Variants in ZNF451 observed in about 807,000 individuals in gnomAD.
ZNF451 encodes the protein zinc finger protein 451.
A neutral mutation model predicts 107.1 loss-of-function variants in ZNF451; 80 were observed. The observed-to-expected ratio is 0.75, with a 90% CI of 0.62 to 0.90. The LOEUF is 0.90. ZNF451 is among the 40% of genes least tolerant of loss of function. The probability of loss-of-function intolerance (pLI) is 0.00; values close to 1 mark genes in which losing one functional copy is unlikely to be tolerated. For synonymous variants in ZNF451, 362 were observed against 406.5 expected, an observed-to-expected ratio of 0.89 and a Z score of 1.32; for missense variants, 1,107 against 1,236.2, an observed-to-expected ratio of 0.90 and a Z score of 1.57.
intron 14 of ZNF451, among the ~76,000 whole-genome samples, chr6:57,166,707 A>G (rs1386732346): frequency 2.0e-5 from 3 of 152,224 alleles, no homozygotes; most frequent in Non-Finnish European, 2.9e-5. Flanking sequence ...TTCAAGTGTT[A>G]TGTACTGTAC....
intron 5 of ZNF451, 151 bp downstream of exon 5, chr6:57,128,991 A>G: frequency 1.8e-6 from 1 of 563,648 alleles, no homozygotes; most frequent in Non-Finnish European, 3.1e-6. Context: ...CCTACTTTAT[A>G]ATGGCCTGCT....
Position 57,150,709 on chromosome 6 carries a change from C to T in ZNF451, c.2609-10C>T. 1 of 1,584,472 alleles carries T rather than the reference C, an allele frequency of 6.3e-7. No homozygotes were observed. The highest frequency in any genetic ancestry group is 8.6e-7 in the Non-Finnish European group (1 of 1,168,076). On this transcript the variant is annotated splice_polypyrimidine_tract_variant and intron_variant, in intron 10 of 14. Transcript: ENST00000370706. ...TTACTGAACTCATGTTGATATTTCT[C>T]TCTTCTCAGAGGAAGAAATTGTTGA... is the stretch of plus-strand genomic sequence containing the variant.
At chr6:57,167,186 C>CAA (rs915528168) in intron 14 of ZNF451, among the ~76,000 whole-genome samples, 2 of 151,070 alleles carry the variant, frequency 1.3e-5, no homozygotes, top group African/African-American at 4.9e-5. Flanking sequence ...TATATATACA[C>CAA]ACACACACAC....
chr6:57,102,208 A>G (rs975550010), intron 3 of ZNF451: 53 of 1,417,596 alleles, frequency 3.7e-5, no homozygotes, highest in Non-Finnish European at 4.5e-5. Context: ...AACTGGATGC[A>G]TGTCTGGAAT....
At chr6:57,159,085 G>A in intron 13 of ZNF451, 5 of 985,380 alleles carry the variant, frequency 5.1e-6, no homozygotes, top group Non-Finnish European at 6.0e-6. Flanking sequence ...ACTATAGGTT[G>A]TTTCTTTGGG....
chr6:57,102,084 G>T, intron 3 of ZNF451: 6 of 1,508,174 alleles, frequency 4.0e-6, no homozygotes, highest in Non-Finnish European at 5.3e-6. Context: ...AACGCCATGG[G>T]TACAAGAATT....
At chr6:57,095,271 G>A (rs1292166780) in intron 2 of ZNF451, among the ~76,000 whole-genome samples, 1 of 146,638 alleles carries the variant, frequency 6.8e-6, no homozygotes, top group Non-Finnish European at 1.5e-5. Flanking sequence ...TTTGTTGAAT[G>A]TATAAATATT....
chr6:57,128,661 T>C (rs1831038977), intron 4 of ZNF451, 68 bp from the exon 5 acceptor site: 1 of 991,752 alleles, frequency 1.0e-6, no homozygotes, highest in East Asian at 2.4e-5. Flanking sequence ...ATCACTAATG[T>C]GTCAAAATCC....
At chr6:57,093,229 T>C (rs1204903278) in intron 2 of ZNF451, among the ~76,000 whole-genome samples, 2 of 152,196 alleles carry the variant, frequency 1.3e-5, no homozygotes, top group Non-Finnish European at 2.9e-5. Context: ...TGAGGGAACC[T>C]ATCGTAATTT....
rs139105250 is a variant in ZNF451, at chr6:57,142,112, A to T, written c.1004+17A>T. ...CCATTTCAGGTTTGTATTGGTCTGGAGCTGTAAAGGAATACGGATGAGTGT... is the reference window on the plus strand; with the variant it reads ...CCATTTCAGGTTTGTATTGGTCTGGTGCTGTAAAGGAATACGGATGAGTGT... On this transcript the variant is annotated intron_variant, in intron 9 of 14. Coordinates refer to ENST00000370706, the MANE Select transcript of ZNF451 (RefSeq NM_001031623.3). 3.8e-5 allele frequency: 60 copies of T among 1,593,784 alleles called. No homozygotes were observed. The African/African-American group carries it at 7.0e-4, about 18-fold the overall frequency.
chr6:57,164,948 ATC>A (rs1479428025), intron 14 of ZNF451: 4 of 152,186 alleles, frequency 2.6e-5, no homozygotes, highest in Non-Finnish European at 4.4e-5. Flanking sequence ...TTTAATTTCA[ATC>A]TGAGAGATTC....
At chr6:57,123,553 C>T (rs1830747155) in intron 3 of ZNF451, among the ~76,000 whole-genome samples, 1 of 151,946 alleles carries the variant, frequency 6.6e-6, no homozygotes, top group South Asian at 2.1e-4. Context: ...GAAAAACTTC[C>T]TATTGGATAC....
At chr6:57,100,715 C>T in intron 3 of ZNF451, 1 of 1,550,490 alleles carries the variant, frequency 6.4e-7, no homozygotes, top group Non-Finnish European at 8.7e-7. Flanking sequence ...GGGAGTTGTT[C>T]CAGCAGTCCA....
chr6:57,137,890 T>A (rs1487168590), intron 7 of ZNF451, among the ~76,000 whole-genome samples: 5 of 152,220 alleles, frequency 3.3e-5, no homozygotes, highest in African/African-American at 1.2e-4. Flanking sequence ...CTTCCCATAA[T>A]GTGTTTCAAG....
Position 57,148,127 on chromosome 6 carries a change from C to T in ZNF451, c.2042C>T (p.Ala681Val). 3.1e-6 allele frequency: 5 copies of T among 1,613,972 alleles called. No homozygotes were observed. Among genetic ancestry groups the T allele is most frequent in the Non-Finnish European group, 4.2e-6 (5 of 1,179,934 alleles). Residue 681 changes from alanine to valine, a missense_variant, in exon 10 of 15, where the codon GCA becomes GTA. Transcript: ENST00000370706. ...LCDLIFNVEEAFLSHYEEHHS... is the reference protein window; with the variant it reads ...LCDLIFNVEEVFLSHYEEHHS... Reference sequence around the variant, plus strand: ...GATCTTATCTTTAATGTGGAAGAAGCATTTCTGAGTCATTATGAGGAGCAC... The same window carrying T: ...GATCTTATCTTTAATGTGGAAGAAGTATTTCTGAGTCATTATGAGGAGCAC...
intron 13 of ZNF451, chr6:57,158,441 G>A: frequency 1.1e-6 from 1 of 889,534 alleles, no homozygotes; most frequent in Non-Finnish European, 1.3e-6. Context: ...GCTGAATATA[G>A]CCAAGGAAAG....
intron 4 of ZNF451, among the ~76,000 whole-genome samples, chr6:57,125,556 T>G (rs556496747): frequency 6.6e-6 from 1 of 152,238 alleles, no homozygotes; most frequent in South Asian, 2.1e-4. Flanking sequence ...AGATCACTAG[T>G]TTTATAGACT....
In ZNF451 at chr6:57,132,074, G is replaced by A. The variant is rs143329435; in HGVS notation, c.425-968G>A. 2.0e-5 allele frequency among the ~76,000 whole-genome samples: 3 copies of A among 152,254 alleles called. No homozygotes were observed. In the East Asian group the frequency reaches 5.8e-4, roughly 29 times the overall value. ...GAGGATTAATTAAGAGAAAAAAATT[G>A]TGGACAAACTGTTTCCTAATTGGCT... On this transcript the variant is annotated intron_variant, in intron 5 of 14. Transcript: ENST00000370706.
In ZNF451 at chr6:57,111,713, C is replaced by G. The variant is rs200476937; in HGVS notation, c.186+12572C>G. On this transcript the variant is annotated intron_variant, in intron 3 of 14. Coordinates refer to ENST00000370706, the MANE Select transcript of ZNF451 (RefSeq NM_001031623.3). ...TTAAAAATCTCTTAAGGTCCAGTTA[C>G]TGTTATATTTTGGTCCTGTACTGAA... Among the ~76,000 whole-genome samples the G allele has an allele frequency of 1.1e-4, 16 of 152,204 alleles. No homozygotes were observed. In the East Asian group the frequency reaches 3.1e-3, roughly 29 times the overall value.
Sources: gnomAD v4.1 joint callset for allele counts (sites outside exome capture counted in the v4.1 genomes callset) on GRCh38, gnomAD v4.1.1 for gene constraint, MANE v1.5 for transcripts, NCBI Gene and HGNC (gene_info 2026-07-23, HGNC 2026-07-21) for gene names.